The following GLG1 variants were observed in gnomAD, a reference collection of about 807,000 sequenced individuals.
The protein encoded by GLG1 is golgi glycoprotein 1.
GLG1 carries 38 observed loss-of-function variants against 160.5 expected under a neutral mutation model. That is an observed-to-expected ratio of 0.24 (90% CI 0.18 to 0.31). GLG1 has a LOEUF of 0.31. Among genes scored for constraint, GLG1 ranks in the 10% least tolerant of loss-of-function variants. The pLI, the probability that GLG1 is intolerant of heterozygous loss-of-function variation, is 1.00. For missense variants in GLG1, 1,373 were observed against 1,505.2 expected (o/e 0.91, Z 1.45); for synonymous variants, 644 against 543.4 (o/e 1.19, Z -2.57).
At position 74,452,811 on chromosome 16, in the gene GLG1, T is replaced by C; in HGVS notation, c.*356A>G. 1 of 1,010,850 alleles carries C rather than the reference T, an allele frequency of 9.9e-7. No homozygotes were observed. The highest frequency in any genetic ancestry group is 1.2e-6 in the Non-Finnish European group (1 of 846,750). 62.6% of individuals were successfully genotyped at this position (1,010,850 alleles called of 1,614,324 possible). A position where few individuals can be genotyped will look rare whatever the true frequency, so the allele number is the denominator to read the frequency against. ...TACATTTTTTTCTTTAAAAAAATTT[T>C]TTTTTTTGGTGGTTTTCTTAAAAAA... On this transcript the variant is annotated 3_prime_UTR_variant, in exon 26 of 26. Transcript: ENST00000422840.
In GLG1 at chr16:74,480,302, T is replaced by C. The variant is rs1180673289; in HGVS notation, c.1766A>G (p.Gln589Arg). ...GTATAAACAAGAGAACACAGCTCCCTGAGGCATAAATTCACTGGTCTCATT... is the reference window on the plus strand; with the variant it reads ...GTATAAACAAGAGAACACAGCTCCCCGAGGCATAAATTCACTGGTCTCATT... Reference protein sequence around the residue: ...GWNETSEFMPQGAVFSCLYRH... With the variant: ...GWNETSEFMPRGAVFSCLYRH... The change falls in exon 11 of 26, where the codon CAG (glutamine) becomes CGG (arginine). Residue 589 changes from glutamine to arginine, a missense_variant. This residue lies in a region of GLG1 where 386 missense variants were observed against 388.5 expected (regional missense o/e 0.99). Transcript: ENST00000422840. The C allele has an allele frequency of 3.1e-6, 5 of 1,613,340 alleles. No homozygotes were observed. Among genetic ancestry groups the C allele is most frequent in the Non-Finnish European group, 4.2e-6 (5 of 1,179,190 alleles).
rs1216587552 is a variant in GLG1, at chr16:74,477,463, G to T, written c.1898C>A (p.Pro633His). Residue 633 changes from proline (P) to histidine (H), a missense_variant, in exon 12 of 26, where the codon CCT becomes CAT. This residue lies in a region of GLG1 where 386 missense variants were observed against 388.5 expected (regional missense o/e 0.99). Transcript: ENST00000422840. ...AATCAGGCACTTATCCTGGAGGGCAGGATCCAGCTTGACATCCATGGCACG... is the reference window on the plus strand; with the variant it reads ...AATCAGGCACTTATCCTGGAGGGCATGATCCAGCTTGACATCCATGGCACG... ...HQRAMDVKLD[P>H]ALQDKCLIDL... 6.2e-7 allele frequency: 1 copy of T among 1,611,932 alleles called. No homozygotes were observed. The highest frequency in any genetic ancestry group is 1.7e-5 in the Admixed American group (1 of 60,012).
Position 74,472,377 on chromosome 16 carries a change from C to T in GLG1, c.2087G>A (p.Cys696Tyr), listed in dbSNP as rs2143255837. 1.2e-6 allele frequency: 2 copies of T among 1,612,058 alleles called. No individual in the cohort carries two copies. The highest frequency in any genetic ancestry group is 1.7e-6 in the Non-Finnish European group (2 of 1,178,150). ...GCAGAAGTTCTGAATTATGGGCTCACAGGCTCTCATCAGCAAGGCTTCTAT... is the reference window on the plus strand; with the variant it reads ...GCAGAAGTTCTGAATTATGGGCTCATAGGCTCTCATCAGCAAGGCTTCTAT... ...IQIEALLMRA[C>Y]EPIIQNFCHD... Residue 696 changes from cysteine to tyrosine, a missense_variant, in exon 14 of 26, where the codon TGT becomes TAT. This residue lies in a region of GLG1 where 491 missense variants were observed against 632.1 expected (regional missense o/e 0.78). Transcript: ENST00000422840.
intron 25 of GLG1, among the ~76,000 whole-genome samples, chr16:74,454,666 CAAAAAAAAAAAAAAAAAAAA>C (rs58759187): frequency 0.086 from 3,363 of 39,328 alleles, 199 homozygotes; most frequent in African/African-American, 0.22. Flanking sequence ...AATCCGTCCC[CAAAAAAAAAAAAAAAAAAAA>C]AAAAAAAAAA....
At position 74,536,396 on chromosome 16, in the gene GLG1, C is replaced by A. The variant is rs920317776; in HGVS notation, c.439-4243G>T. 1.1e-4 allele frequency among the ~76,000 whole-genome samples: 17 copies of A among 152,018 alleles called. 2 individuals are homozygous for A. The highest frequency in any genetic ancestry group is 1.1e-3 in the Admixed American group (16 of 15,238). ...CTCTGAGATGATCCCAAGAAATTAG[C>A]CAACAAGTATATATTGAATAATGAT... On this transcript the variant is annotated intron_variant, in intron 1 of 25. Transcript: ENST00000422840.
chr16:74,605,117 C>T (rs1419371585), intron 1 of GLG1, among the ~76,000 whole-genome samples: 2 of 152,118 alleles, frequency 1.3e-5, no homozygotes, highest in African/African-American at 2.4e-5. Flanking sequence ...AGTACTCTTC[C>T]TTCATTATTT....
At chr16:74,563,394 T>A (rs1199500125) in intron 1 of GLG1, 2 of 152,182 alleles carry the variant, frequency 1.3e-5, no homozygotes, top group Admixed American at 1.3e-4. Context: ...GTTAGGTCAC[T>A]TTTTCCAGAG....
intron 1 of GLG1, among the ~76,000 whole-genome samples, chr16:74,587,398 TGAGAATAAA>T (rs1198253006): frequency 6.6e-6 from 1 of 151,870 alleles, no homozygotes. Flanking sequence ...CAAGAAAGAG[TGAGAATAAA>T]GAGTTCTGTA....
chr16:74,524,374 G>T (rs1422850131), intron 2 of GLG1, among the ~76,000 whole-genome samples: 1 of 152,110 alleles, frequency 6.6e-6, no homozygotes, highest in Non-Finnish European at 1.5e-5. Flanking sequence ...ATTTCACCAT[G>T]AAGTACGATG....
At chr16:74,545,767 T>C (rs1041633845) in intron 1 of GLG1, among the ~76,000 whole-genome samples, 4 of 152,116 alleles carry the variant, frequency 2.6e-5, no homozygotes, top group Non-Finnish European at 2.9e-5. Flanking sequence ...ACCAAGAGGG[T>C]ATTGGTTAAC....
rs201829157 is a variant in GLG1 at position 74,468,226 on chromosome 16, CTTTTTTTT to C, written c.2437-386_2437-379del. ...AACCAAATCTTCCAGCTTGAAATGT[CTTTTTTTT>C]TTTTTTTTTTTTTTTTTTTGGAGAC... On this transcript the variant is annotated intron_variant, in intron 17 of 25. Coordinates refer to ENST00000422840, the MANE Select transcript of GLG1 (RefSeq NM_001145667.2). 2.9e-3 allele frequency: 240 copies of C among 83,308 alleles called. 1 individual carries two copies. Among genetic ancestry groups the C allele is most frequent in the Non-Finnish European group, 4.3e-3 (193 of 44,978 alleles). The allele number at this position is 83,308 out of a possible 1,614,324, so 5.2% of individuals were successfully genotyped here.
At chr16:74,503,070 G>A (rs2016468374) in intron 4 of GLG1, among the ~76,000 whole-genome samples, 2 of 151,900 alleles carry the variant, frequency 1.3e-5, no homozygotes, top group African/African-American at 4.8e-5. Flanking sequence ...AGCCAGGCGT[G>A]GTGGTGCATG....
At chr16:74,597,685 C>T (rs545935735) in intron 1 of GLG1, among the ~76,000 whole-genome samples, 1 of 151,706 alleles carries the variant, frequency 6.6e-6, no homozygotes, top group South Asian at 2.1e-4. Context: ...AATCCCATCT[C>T]TACTAAAAAA....
intron 1 of GLG1, among the ~76,000 whole-genome samples, chr16:74,568,418 C>CTTT (rs57385691): frequency 7.7e-6 from 1 of 130,514 alleles, no homozygotes; most frequent in Admixed American, 7.8e-5. Flanking sequence ...AATTTTACTG[C>CTTT]TTTTTTTTTT....
intron 2 of GLG1, among the ~76,000 whole-genome samples, chr16:74,525,156 T>C (rs1412754513): frequency 1.3e-5 from 2 of 152,186 alleles, no homozygotes; most frequent in Non-Finnish European, 2.9e-5. Context: ...CTCTTGGGTA[T>C]ACATCTAGCA....
chr16:74,482,197 G>C (rs557920781), intron 10 of GLG1, among the ~76,000 whole-genome samples: 1 of 152,058 alleles, frequency 6.6e-6, no homozygotes, highest in African/African-American at 2.4e-5. Flanking sequence ...TTGCTATGTT[G>C]ACCAGGCTGG....
intron 4 of GLG1, among the ~76,000 whole-genome samples, chr16:74,499,949 G>A (rs947563100): frequency 9.2e-5 from 14 of 152,166 alleles, no homozygotes; most frequent in Non-Finnish European, 2.1e-4. Context: ...CTTGCAGTGA[G>A]CCGAGATTGT....
intron 1 of GLG1, among the ~76,000 whole-genome samples, chr16:74,559,162 G>A (rs1351084356): frequency 6.6e-6 from 1 of 152,030 alleles, no homozygotes; most frequent in East Asian, 1.9e-4. Flanking sequence ...TGAACCACTG[G>A]GCCTGGCCTT....
At chr16:74,506,962 A>G (rs988178005) in intron 3 of GLG1, among the ~76,000 whole-genome samples, 10 of 152,160 alleles carry the variant, frequency 6.6e-5, no homozygotes, top group Non-Finnish European at 8.8e-5. Context: ...TTTTGACTGG[A>G]GCCAGAAGGA....
Sources: allele counts gnomAD v4.1 joint callset (sites outside exome capture counted in the v4.1 genomes callset), GRCh38; gene constraint gnomAD v4.1.1; regional missense constraint gnomAD v4.1.1; transcripts MANE v1.5; gene names NCBI Gene and HGNC (gene_info 2026-07-23, HGNC 2026-07-21).